Variants in GCA observed in about 807,000 individuals in gnomAD.
GCA encodes the protein grancalcin, EF-hand calcium-binding protein.
Under a neutral mutation model 32.6 loss-of-function variants are expected in GCA, and 30 were observed. The observed-to-expected ratio is 0.92, with a 90% confidence interval of 0.69 to 1.25. The LOEUF (loss-of-function observed/expected upper bound fraction) is 1.25, where lower values mean the gene tolerates loss of function less well. Ranked by LOEUF, GCA falls within the 50% of genes most tolerant of loss-of-function variation. The pLI, the probability that GCA is intolerant of heterozygous loss-of-function variation, is 0.00. For missense variants in GCA, 291 were observed against 266.8 expected, an observed-to-expected ratio of 1.09 and a Z score of -0.63; for synonymous variants, 102 against 84.6, an observed-to-expected ratio of 1.21 and a Z score of -1.13.
intron 2 of GCA, among the ~76,000 whole-genome samples, chr2:162,351,558 A>C (rs1685002659): frequency 6.6e-6 from 1 of 152,170 alleles, no homozygotes; most frequent in African/African-American, 2.4e-5. Context: ...TGTGAGTGTT[A>C]ATAATATTTC....
intron 1 of GCA, among the ~76,000 whole-genome samples, chr2:162,329,975 C>G (rs1433967818): frequency 6.6e-6 from 1 of 152,144 alleles, no homozygotes. Flanking sequence ...GCCTCTAGCT[C>G]CATCCACGTC....
In GCA at chr2:162,344,897, C is replaced by T. The variant is rs75779674; in HGVS notation, c.27+622C>T. ...AGAAAGGAGCCCAAACCTTTAGTAT[C>T]GATGTCAGTGATCTACACGCTGTGT... On this transcript the variant is annotated intron_variant, in intron 1 of 7. Transcript: ENST00000437150. Among the ~76,000 whole-genome samples the T allele has an allele frequency of 8.3e-3, 1,256 of 150,698 alleles. 8 individuals carry two copies. Among genetic ancestry groups the T allele is most frequent in the Non-Finnish European group, 0.014 (965 of 67,438 alleles).
chr2:162,354,552 G>A (rs1685164914), intron 3 of GCA, among the ~76,000 whole-genome samples: 1 of 152,138 alleles, frequency 6.6e-6, no homozygotes, highest in Non-Finnish European at 1.5e-5. Flanking sequence ...GGGATATGAG[G>A]CTTAGAATGC....
chr2:162,356,995 A>C, intron 5 of GCA, 90 bp downstream of exon 5: 1 of 903,044 alleles, frequency 1.1e-6, no homozygotes, highest in Non-Finnish European at 1.6e-6. Context: ...CTAACTAATA[A>C]AGGGATGTAT....
chr2:162,343,793 G>A (rs1162823593), upstream of GCA, among the ~76,000 whole-genome samples: 1 of 152,240 alleles, frequency 6.6e-6, no homozygotes, highest in East Asian at 1.9e-4. Context: ...CAGACTTGCC[G>A]GTTTGGGGTT....
chr2:162,326,988 A>G (rs1683908269), intron 1 of GCA, among the ~76,000 whole-genome samples: 1 of 152,204 alleles, frequency 6.6e-6, no homozygotes, highest in African/African-American at 2.4e-5. Context: ...GAGAATGGGA[A>G]TTAACTGCCC....
chr2:162,362,074 G>A lies in GCA; in HGVS notation c.*1831G>A, dbSNP rs1685595762. 6.1e-6 allele frequency: 6 copies of A among 982,944 alleles called. No individual in the cohort carries two copies. The highest frequency in any genetic ancestry group is 7.2e-6 in the Non-Finnish European group (6 of 827,910). The allele number at this position is 982,944 out of a possible 1,614,324, so 60.9% of individuals were successfully genotyped here. A position where few individuals can be genotyped will look rare whatever the true frequency, so the allele number is the denominator to read the frequency against. On this transcript the variant is annotated 3_prime_UTR_variant, in exon 8 of 8. Coordinates refer to ENST00000437150, the MANE Select transcript of GCA (RefSeq NM_012198.5). ...TTTAACACAATTTTCATTTAAAAAT[G>A]TTCTTATGACTTTTGGTCATAGAAG...
chr2:162,372,301 CT>C (rs1182263713), downstream of GCA, among the ~76,000 whole-genome samples: 2 of 152,004 alleles, frequency 1.3e-5, no homozygotes, highest in African/African-American at 4.8e-5. Flanking sequence ...ATTCCAAGAA[CT>C]TTTATTTAAC....
chr2:162,325,857 C>T (rs1358258578), intron 1 of GCA, among the ~76,000 whole-genome samples: 2 of 152,128 alleles, frequency 1.3e-5, no homozygotes, highest in African/African-American at 4.8e-5. Flanking sequence ...CATCTGAAAA[C>T]TTGCCAAGGT....
chr2:162,326,328 A>C (rs921910239), intron 1 of GCA, among the ~76,000 whole-genome samples: 1 of 152,108 alleles, frequency 6.6e-6, no homozygotes, highest in Non-Finnish European at 1.5e-5. Context: ...CCTTCCTGTA[A>C]ATCATAATTT....
downstream of GCA, chr2:162,371,624 A>C: frequency 1.3e-6 from 1 of 795,686 alleles, no homozygotes. Flanking sequence ...CAGTTTTAAC[A>C]TTTGGAACCA....
At position 162,359,097 on chromosome 2, in the gene GCA, A is replaced by G; in HGVS notation, c.508A>G (p.Asn170Asp). The change falls in exon 6 of 8, where the codon AAT (asparagine) becomes GAT (aspartate). Residue 170 changes from asparagine (N) to aspartate (D), a missense_variant. Transcript: ENST00000437150. Reference sequence around the variant, plus strand: ...TACTATTGTTAAACGTTATAGCAAGAATGGCAGAATTTTCTTTGATGATTA... The same window carrying G: ...TACTATTGTTAAACGTTATAGCAAGGATGGCAGAATTTTCTTTGATGATTA... ...LTTIVKRYSK[N>D]GRIFFDDYVA... 1 of 1,607,016 alleles carries G rather than the reference A, an allele frequency of 6.2e-7. No homozygotes were observed. Among genetic ancestry groups the G allele is most frequent in the Non-Finnish European group, 8.5e-7 (1 of 1,174,806 alleles).
At position 162,356,779 on chromosome 2, in the gene GCA, G is replaced by A. The variant is rs1233059959; in HGVS notation, c.328G>A (p.Gly110Arg). ...TCAGAGAGATCACACAGGAAAAATGGGATTTAATGCATTCAAAGAGCTATG... is the reference window on the plus strand; with the variant it reads ...TCAGAGAGATCACACAGGAAAAATGAGATTTAATGCATTCAAAGAGCTATG... Reference protein sequence around the residue: ...MLDRDHTGKMGFNAFKELWAA... With the variant: ...MLDRDHTGKMRFNAFKELWAA... The change falls in exon 5 of 8, where the codon GGA (glycine) becomes AGA (arginine). Residue 110 changes from glycine (G) to arginine (R), a missense_variant. Physicochemically the swap from Gly to Arg is moderately radical, Grantham distance 125. Coordinates refer to ENST00000437150, the MANE Select transcript of GCA (RefSeq NM_012198.5). The A allele has an allele frequency of 1.9e-6, 3 of 1,606,688 alleles. No individual in the cohort carries two copies. Among genetic ancestry groups the A allele is most frequent in the Non-Finnish European group, 1.7e-6 (2 of 1,175,482 alleles).
In GCA at chr2:162,328,555, A is replaced by G. The variant is rs574088739; in HGVS notation, c.-31+9330A>G. Among the ~76,000 whole-genome samples, 7 of 152,226 alleles carry G rather than the reference A, an allele frequency of 4.6e-5. No homozygotes were observed. In the East Asian group the frequency reaches 5.8e-4, roughly 13 times the overall value. The stretch of plus-strand genomic sequence containing the variant: ...AAGTTGCCCCACTGCTCAAACCTCT[A>G]GGGGAGCATACACACGGGCAGGCTG... On this transcript the variant is annotated intron_variant, in intron 1 of 4. Coordinates refer to the GCA transcript ENST00000429691.
rs1252930377 is a variant in GCA, at chr2:162,361,726, C to A, written c.*1483C>A. ...TAATACACATAATTTTGTTCTCTGG[C>A]TTTTTTATGAACATATATTTGATAA... On this transcript the variant is annotated 3_prime_UTR_variant, in exon 8 of 8. Transcript: ENST00000437150. 1 of 982,082 alleles carries A rather than the reference C, an allele frequency of 1.0e-6. No individual in the cohort carries two copies. The allele number at this position is 982,082 out of a possible 1,614,324, so 60.8% of individuals were successfully genotyped here.
chr2:162,371,673 T>G (rs1203788248), downstream of GCA: 3 of 854,728 alleles, frequency 3.5e-6, no homozygotes, highest in Admixed American at 6.0e-5. Flanking sequence ...CTGCTCAGTT[T>G]TACCTTACAA....
At chr2:162,374,228 C>G (rs766360692), downstream of GCA, among the ~76,000 whole-genome samples, 101 of 152,246 alleles carry the variant, frequency 6.6e-4, no homozygotes, top group Non-Finnish European at 1.1e-3. Context: ...CTTTTTCCCT[C>G]TTAATATGTC....
intron 1 of GCA, among the ~76,000 whole-genome samples, chr2:162,345,093 ATGGTGG>A (rs377413955): frequency 0.015 from 1,612 of 109,392 alleles, 42 homozygotes; most frequent in African/African-American, 0.052. Context: ...CTTGGAGTTC[ATGGTGG>A]TGGTGGTGGT....
At position 162,360,336 on chromosome 2, in the gene GCA, T is replaced by C. The variant is rs1034174179; in HGVS notation, c.*93T>C. 5.3e-6 allele frequency: 8 copies of C among 1,516,796 alleles called. No individual in the cohort carries two copies. In the African/African-American group the frequency reaches 1.0e-4, roughly 19 times the overall value. 94.0% of individuals were successfully genotyped at this position (1,516,796 alleles called of 1,614,324 possible). ...CTTTAAAACTTTTAAGGGTTTTCTA[T>C]GTTCTTCCTACCTGTTAAACCTCTT... On this transcript the variant is annotated 3_prime_UTR_variant, in exon 8 of 8. Transcript: ENST00000437150.
Sources: allele counts gnomAD v4.1 joint callset (sites outside exome capture counted in the v4.1 genomes callset), GRCh38; gene constraint gnomAD v4.1.1; transcripts MANE v1.5; gene names NCBI Gene and HGNC (gene_info 2026-07-23, HGNC 2026-07-21).